FHIT: variants seen among roughly 807,000 people sequenced by gnomAD.
FHIT encodes the protein bis(5'-adenosyl)-triphosphatase.
Under a neutral mutation model 17.9 loss-of-function variants are expected in FHIT, and 19 were observed. That is an observed-to-expected ratio of 1.06 (90% CI 0.74 to 1.56). The LOEUF is 1.56. Ranked by LOEUF, FHIT falls within the 40% of genes most tolerant of loss-of-function variation. The pLI is 0.00. For missense variants in FHIT, 248 were observed against 189.2 expected, an observed-to-expected ratio of 1.31 and a Z score of -1.82; for synonymous variants, 81 against 69.7, an observed-to-expected ratio of 1.16 and a Z score of -0.81.
chr3:60,188,713 A>G (rs920253338), intron 5 of FHIT, among the ~76,000 whole-genome samples: 11 of 152,172 alleles, frequency 7.2e-5, no homozygotes, highest in Non-Finnish European at 1.0e-4. Context: ...CATTGAATCT[A>G]TTTCTATTAA....
intron 5 of FHIT, among the ~76,000 whole-genome samples, chr3:60,132,574 C>G (rs1431585521): frequency 6.6e-6 from 1 of 152,094 alleles, no homozygotes; most frequent in South Asian, 2.1e-4. Flanking sequence ...TTGGAAGATA[C>G]TTTTAGAATT....
At chr3:61,120,427 T>C (rs1413932208) in intron 2 of FHIT, among the ~76,000 whole-genome samples, 1 of 152,210 alleles carries the variant, frequency 6.6e-6, no homozygotes, top group Admixed American at 6.5e-5. Flanking sequence ...GCAAACATTA[T>C]ATTTGAATAC....
chr3:59,902,330 G>C (rs1217976664), intron 8 of FHIT, among the ~76,000 whole-genome samples: 1 of 151,980 alleles, frequency 6.6e-6, no homozygotes, highest in East Asian at 1.9e-4. Flanking sequence ...GTAGAAAAGG[G>C]AACCCTTCTT....
chr3:61,082,666 T>G (rs1271441945), intron 2 of FHIT, among the ~76,000 whole-genome samples: 1 of 152,214 alleles, frequency 6.6e-6, no homozygotes, highest in African/African-American at 2.4e-5. Context: ...CACTGTATGA[T>G]AGTTCCAGTT....
chr3:60,942,749 A>C (rs1011589813), intron 3 of FHIT, among the ~76,000 whole-genome samples: 1 of 151,858 alleles, frequency 6.6e-6, no homozygotes, highest in Non-Finnish European at 1.5e-5. Context: ...ATTTGGGTTT[A>C]CTCTGCTATT....
chr3:60,895,577 T>C (rs1320347077), intron 3 of FHIT, among the ~76,000 whole-genome samples: 1 of 152,200 alleles, frequency 6.6e-6, no homozygotes, highest in African/African-American at 2.4e-5. Flanking sequence ...AACTCTATTA[T>C]TTCTTTCACA....
chr3:60,338,314 C>A (rs1646274173), intron 5 of FHIT, among the ~76,000 whole-genome samples: 1 of 152,036 alleles, frequency 6.6e-6, no homozygotes, highest in Non-Finnish European at 1.5e-5. Context: ...TCATCTATAC[C>A]ACAAAAACTC....
chr3:59,765,650 G>C (rs1701756110), intron 8 of FHIT, among the ~76,000 whole-genome samples: 1 of 152,156 alleles, frequency 6.6e-6, no homozygotes, highest in Non-Finnish European at 1.5e-5. Flanking sequence ...CGGTTGAGAA[G>C]ATATACTGGA....
chr3:60,470,601 A>G (rs1211542372), intron 5 of FHIT, among the ~76,000 whole-genome samples: 2 of 151,950 alleles, frequency 1.3e-5, no homozygotes, highest in Non-Finnish European at 2.9e-5. Flanking sequence ...CTCTCTCCTC[A>G]GGGAAGTTGT....
chr3:60,155,373 G>T (rs1249550444), intron 5 of FHIT, among the ~76,000 whole-genome samples: 4 of 152,096 alleles, frequency 2.6e-5, no homozygotes, highest in Non-Finnish European at 5.9e-5. Flanking sequence ...AGCAAAAACA[G>T]GACACTATTC....
chr3:60,056,535 G>A (rs1005789268), intron 5 of FHIT, among the ~76,000 whole-genome samples: 4 of 152,258 alleles, frequency 2.6e-5, no homozygotes, highest in South Asian at 4.2e-4. Context: ...CCAAGTATAC[G>A]CTTTTGATTG....
chr3:60,191,150 C>G (rs1198629450), intron 5 of FHIT, among the ~76,000 whole-genome samples: 2 of 152,044 alleles, frequency 1.3e-5, no homozygotes, highest in Non-Finnish European at 2.9e-5. Flanking sequence ...TCCAAAGAGT[C>G]AGCCAGCAAT....
At chr3:60,048,886 A>G (rs2106870062) in intron 5 of FHIT, among the ~76,000 whole-genome samples, 1 of 152,264 alleles carries the variant, frequency 6.6e-6, no homozygotes, top group South Asian at 2.1e-4. Flanking sequence ...TGATTGTGAA[A>G]CCATAATTTT....
chr3:60,206,132 CAAAA>C (rs367903030), intron 5 of FHIT, among the ~76,000 whole-genome samples: 1 of 75,566 alleles, frequency 1.3e-5, no homozygotes, highest in African/African-American at 5.2e-5. Flanking sequence ...GACTCCGTCT[CAAAA>C]AAAAAAAAAA....
chr3:60,795,916 A>C (rs113652237), intron 4 of FHIT, among the ~76,000 whole-genome samples: 44 of 152,274 alleles, frequency 2.9e-4, no homozygotes, highest in Middle Eastern at 3.4e-3. Flanking sequence ...CATGCTGCTG[A>C]TGAAGACATA....
At chr3:60,020,870 G>C (rs536328903) in intron 5 of FHIT, among the ~76,000 whole-genome samples, 2 of 152,108 alleles carry the variant, frequency 1.3e-5, no homozygotes, top group African/African-American at 4.8e-5. Flanking sequence ...TATTCACAAC[G>C]TAAGCACTTT....
intron 5 of FHIT, among the ~76,000 whole-genome samples, chr3:60,382,453 C>G (rs1431194867): frequency 6.6e-6 from 1 of 152,240 alleles, no homozygotes; most frequent in Non-Finnish European, 1.5e-5. Context: ...TCCGTAATCA[C>G]AATCTGGGTC....
chr3:60,168,255 C>T (rs1482385696), intron 5 of FHIT, among the ~76,000 whole-genome samples: 1 of 152,158 alleles, frequency 6.6e-6, no homozygotes, highest in East Asian at 1.9e-4. Flanking sequence ...AGAGAGATAT[C>T]TTCTACTGCT....
intron 5 of FHIT, among the ~76,000 whole-genome samples, chr3:60,509,493 A>C (rs2034862533): frequency 6.6e-6 from 1 of 152,224 alleles, no homozygotes; most frequent in Non-Finnish European, 1.5e-5. Flanking sequence ...TCATAATCTT[A>C]ATAAATTCAT....
Sources: gnomAD v4.1 joint callset for allele counts (sites outside exome capture counted in the v4.1 genomes callset) on GRCh38, gnomAD v4.1.1 for gene constraint, MANE v1.5 for transcripts, NCBI Gene and HGNC (gene_info 2026-07-23, HGNC 2026-07-21) for gene names.